The following RASL12 variants were observed in gnomAD, a reference collection of about 807,000 sequenced individuals.
RASL12 encodes ras-like protein family member 12.
A neutral mutation model predicts 22.9 loss-of-function variants in RASL12; 16 were observed. The observed-to-expected ratio is 0.70, with a 90% confidence interval of 0.47 to 1.06. The LOEUF (loss-of-function observed/expected upper bound fraction) is 1.06, where lower values mean the gene tolerates loss of function less well. RASL12 is among the 50% of genes least tolerant of loss of function. RASL12 has a pLI of 0.00. For synonymous variants in RASL12, 159 were observed against 152.2 expected (o/e 1.04, Z -0.33); for missense variants, 306 against 353.1 (o/e 0.87, Z 1.07).
At chr15:65,068,315 CT>C (rs2086906124), upstream of RASL12, 3 of 984,144 alleles carry the variant, frequency 3.0e-6, no homozygotes, top group Admixed American at 1.8e-4. The surrounding 1 kb of genome is among the most constrained non-coding windows in gnomAD (Gnocchi z 4.2). Context: ...AAATCCACCC[CT>C]CCCTTTGTTC....
chr15:65,055,103 G>T lies in RASL12; in HGVS notation c.597C>A (p.Ser199=), dbSNP rs758470678. The part of the protein sequence containing the change: ...KSPLTRPLFI[S]EERALPHQAP... ...CCTGGTGGGGCAGGGCCCTCTCCTC[G>T]GAGATGAAGAGGGGCCGGGTCAGGG... The change falls in exon 5 of 5, where the codon TCC becomes TCA. Residue 199 remains serine, a synonymous_variant. Transcript: ENST00000220062. 7 of 1,611,226 alleles carry T rather than the reference G, an allele frequency of 4.3e-6. No individual in the cohort carries two copies. In the East Asian group the frequency reaches 1.6e-4, roughly 36 times the overall value.
At chr15:65,058,007 C>T (rs1036046017) in intron 4 of RASL12, among the ~76,000 whole-genome samples, 1 of 152,214 alleles carries the variant, frequency 6.6e-6, no homozygotes, top group Admixed American at 6.5e-5. Flanking sequence ...CACGGTGGCT[C>T]ACGCCTGTAA....
chr15:65,066,729 T>G (rs1357417795), intron 1 of RASL12, among the ~76,000 whole-genome samples: 1 of 152,180 alleles, frequency 6.6e-6, no homozygotes, highest in Non-Finnish European at 1.5e-5. Flanking sequence ...TAATCCCTTC[T>G]GTAGGAAAAC....
intron 1 of RASL12, among the ~76,000 whole-genome samples, chr15:65,076,307 G>A (rs1008200367): frequency 2.0e-5 from 3 of 152,182 alleles, no homozygotes; most frequent in Non-Finnish European, 4.4e-5. Flanking sequence ...GTGAAAGTCT[G>A]CAGCTTCACT....
chr15:65,051,294 C>T (rs935239662), downstream of RASL12, among the ~76,000 whole-genome samples: 1 of 152,218 alleles, frequency 6.6e-6, no homozygotes, highest in Non-Finnish European at 1.5e-5. Flanking sequence ...AGTACTGTCT[C>T]CTCCATTAGA....
At position 65,059,352 on chromosome 15, in the gene RASL12, G is replaced by T; in HGVS notation, c.227C>A (p.Ala76Glu). ...TAATGGAGGTAATGTTACCAGGTCT[G>T]CAGTGTCCATGACCCTCAGGTGGAC... ...QPVHLRVMDT[A>E]DLDTPRNCER... Residue 76 changes from alanine to glutamate, a missense_variant, in exon 3 of 5, where the codon GCA becomes GAA. Coordinates refer to ENST00000220062, the MANE Select transcript of RASL12 (RefSeq NM_016563.4). 1 of 1,613,596 alleles carries T rather than the reference G, an allele frequency of 6.2e-7. No homozygotes were observed. The highest frequency in any genetic ancestry group is 2.2e-5 in the East Asian group (1 of 44,886).
At position 65,055,085 on chromosome 15, in the gene RASL12, G is replaced by C; in HGVS notation, c.615C>G (p.Pro205=). ...PLFISEERAL[P]HQAPLTARHG... ...GCCGCGCGGTGAGCGGGGCCTGGTG[G>C]GGCAGGGCCCTCTCCTCGGAGATGA... Residue 205 remains proline, a synonymous_variant, in exon 5 of 5, where the codon CCC becomes CCG. Transcript: ENST00000220062. 6.2e-7 allele frequency: 1 copy of C among 1,612,196 alleles called. No homozygotes were observed. The highest frequency in any genetic ancestry group is 8.5e-7 in the Non-Finnish European group (1 of 1,179,368).
upstream of RASL12, among the ~76,000 whole-genome samples, chr15:65,072,966 G>A (rs182755356): frequency 1.3e-4 from 20 of 152,158 alleles, no homozygotes; most frequent in South Asian, 1.4e-3. Context: ...GTGAAACCCC[G>A]TCTCTACTGA....
chr15:65,047,379 G>A, the RASL12 span, among the ~76,000 whole-genome samples: 2 of 151,106 alleles, frequency 1.3e-5, no homozygotes, highest in Non-Finnish European at 2.9e-5. Flanking sequence ...AATATACATA[G>A]AAATATATAC....
the RASL12 span, among the ~76,000 whole-genome samples, chr15:65,047,406 A>G: frequency 1.9e-4 from 29 of 152,214 alleles, no homozygotes; most frequent in Non-Finnish European, 3.8e-4. Context: ...TAAAAATGGA[A>G]TTACATGTAT....
chr15:65,048,023 A>T, the RASL12 span, among the ~76,000 whole-genome samples: 2 of 152,198 alleles, frequency 1.3e-5, no homozygotes, highest in African/African-American at 4.8e-5. Context: ...TACTAAAAAT[A>T]CAAAAATTAG....
At chr15:65,046,065 C>T in the RASL12 span, among the ~76,000 whole-genome samples, 3 of 142,554 alleles carry the variant, frequency 2.1e-5, no homozygotes, top group African/African-American at 5.3e-5. Context: ...TTTGGGAGGC[C>T]GAGGCAGATG....
upstream of RASL12, among the ~76,000 whole-genome samples, chr15:65,069,248 G>T (rs1343024830): frequency 6.6e-6 from 1 of 152,204 alleles, no homozygotes; most frequent in African/African-American, 2.4e-5. Context: ...GGGAAATCAT[G>T]GTAAACCAGC....
At chr15:65,060,847 C>G (rs1326251113) in intron 2 of RASL12, among the ~76,000 whole-genome samples, 3 of 152,228 alleles carry the variant, frequency 2.0e-5, no homozygotes, top group Non-Finnish European at 4.4e-5. Context: ...TCCAGGTCCA[C>G]TAGCATCCAG....
At chr15:65,068,514 C>A (rs932128555), upstream of RASL12, among the ~76,000 whole-genome samples, 2 of 152,176 alleles carry the variant, frequency 1.3e-5, no homozygotes, top group African/African-American at 4.8e-5. This position sits in a 1 kb window ranked among gnomAD's most constrained non-coding sequence, Gnocchi z 4.2. Flanking sequence ...GGGGGCGGGG[C>A]GGAGAGAACC....
Position 65,053,622 on chromosome 15 carries a change from A to C in RASL12, c.*1277T>G. 1 of 993,340 alleles carries C rather than the reference A, an allele frequency of 1.0e-6. No individual in the cohort carries two copies. The highest frequency in any genetic ancestry group is 1.2e-6 in the Non-Finnish European group (1 of 834,948). The allele number at this position is 993,340 out of a possible 1,614,324, so 61.5% of individuals were successfully genotyped here. A position where few individuals can be genotyped will look rare whatever the true frequency, so the allele number is the denominator to read the frequency against. On this transcript the variant is annotated 3_prime_UTR_variant, in exon 5 of 5. Coordinates refer to ENST00000220062, the MANE Select transcript of RASL12 (RefSeq NM_016563.4). ...TTTGCAATCCAACAGTAGTCCTGAG[A>C]CGGCTGAGAGGGGAAGGAGCAGGCT...
intron 4 of RASL12, among the ~76,000 whole-genome samples, chr15:65,056,439 G>C (rs12910039): frequency 0.39 from 59,032 of 151,984 alleles, 12,165 homozygotes; most frequent in South Asian, 0.56. Context: ...GCTGGGTGCC[G>C]TGGTGCCAGT....
chr15:65,052,799 T>C (rs2140510308), downstream of RASL12, among the ~76,000 whole-genome samples: 1 of 152,234 alleles, frequency 6.6e-6, no homozygotes, highest in South Asian at 2.1e-4. Flanking sequence ...CACTCAAGGG[T>C]AAGCCATTTC....
intron 1 of RASL12, among the ~76,000 whole-genome samples, chr15:65,073,233 CA>C (rs1230569474): frequency 6.6e-6 from 1 of 152,164 alleles, no homozygotes; most frequent in Non-Finnish European, 1.5e-5. Context: ...CGGAATTATT[CA>C]AGCGTATTAC....
Sources: gnomAD v4.1 joint callset for allele counts (sites outside exome capture counted in the v4.1 genomes callset) on GRCh38, gnomAD v4.1.1 for gene constraint, Gnocchi (gnomAD v3.1) non-coding constraint, MANE v1.5 for transcripts, NCBI Gene and HGNC (gene_info 2026-07-23, HGNC 2026-07-21) for gene names.